The following TSHR variants were observed in gnomAD, a reference collection of about 807,000 sequenced individuals.
TSHR encodes thyroid stimulating hormone receptor, also known as thyrotropin receptor.
A neutral mutation model predicts 64.1 loss-of-function variants in TSHR; 51 were observed. That is an observed-to-expected ratio of 0.80 (90% CI 0.64 to 1.01). The LOEUF (loss-of-function observed/expected upper bound fraction) is 1.01. TSHR is among the 50% of genes least tolerant of loss of function. TSHR has a pLI of 0.00. For missense variants in TSHR, 877 were observed against 942.8 expected, an observed-to-expected ratio of 0.93 and a Z score of 0.91; for synonymous variants, 361 against 361.9, an observed-to-expected ratio of 1.00 and a Z score of 0.03.
At chr14:81,110,984 A>G (rs1890200256) in intron 8 of TSHR, among the ~76,000 whole-genome samples, 1 of 152,176 alleles carries the variant, frequency 6.6e-6, no homozygotes, top group African/African-American at 2.4e-5. Flanking sequence ...TCTTCATTGC[A>G]TTATTTTAAA....
intron 8 of TSHR, among the ~76,000 whole-genome samples, chr14:81,131,806 T>C (rs1309732317): frequency 6.6e-6 from 1 of 152,184 alleles, no homozygotes; most frequent in Non-Finnish European, 1.5e-5. Flanking sequence ...CTTTTCCCCA[T>C]AGTACTTATC....
rs369247508 is a variant in TSHR at position 81,143,780 on chromosome 14, C to G, written c.1722C>G (p.Thr574=). ...AKVSICLPMD[T]ETPLALAYIV... The stretch of plus-strand genomic sequence containing the variant: ...TCAGTATCTGCCTGCCCATGGACAC[C>G]GAGACCCCTCTTGCTCTGGCATATA... The change falls in exon 10 of 10, where the codon ACC becomes ACG. Residue 574 remains threonine, a synonymous_variant. Coordinates refer to ENST00000298171, the MANE Select transcript of TSHR (RefSeq NM_000369.5). 5.0e-6 allele frequency: 8 copies of G among 1,613,926 alleles called. No homozygotes were observed. The Admixed American group carries it at 6.7e-5, about 13-fold the overall frequency.
chr14:81,107,930 C>T (rs1890004652), intron 7 of TSHR, among the ~76,000 whole-genome samples: 1 of 151,952 alleles, frequency 6.6e-6, no homozygotes, highest in Admixed American at 6.6e-5. Context: ...TCTGACAGTC[C>T]TCAGCATCTC....
At chr14:80,990,030 A>G (rs967326442) in intron 1 of TSHR, among the ~76,000 whole-genome samples, 13 of 152,242 alleles carry the variant, frequency 8.5e-5, no homozygotes, top group Admixed American at 3.9e-4. Flanking sequence ...ATTCCTTATA[A>G]TATCCAATAT....
At chr14:81,003,043 T>C (rs1187935173) in intron 1 of TSHR, among the ~76,000 whole-genome samples, 1 of 60,436 alleles carries the variant, frequency 1.7e-5, no homozygotes, top group African/African-American at 5.5e-5. Flanking sequence ...TGTGATCTCA[T>C]TGTTCAATTC....
In TSHR at chr14:80,976,828, T is replaced by C. The variant is rs190886214; in HGVS notation, c.170+20978T>C. ...AAACACAGACTCTTTCAGCGAATCATTGAATGTGATAAGTGGACTCTCTCC... is the reference window on the plus strand; with the variant it reads ...AAACACAGACTCTTTCAGCGAATCACTGAATGTGATAAGTGGACTCTCTCC... On this transcript the variant is annotated intron_variant, in intron 1 of 9. Coordinates refer to ENST00000298171, the MANE Select transcript of TSHR (RefSeq NM_000369.5). Among the ~76,000 whole-genome samples, 1,163 of 152,326 alleles carry C rather than the reference T, an allele frequency of 7.6e-3. 10 individuals are homozygous for C. Among genetic ancestry groups the C allele is most frequent in the Middle Eastern group, 0.014 (4 of 294 alleles).
intron 3 of TSHR, among the ~76,000 whole-genome samples, chr14:81,073,914 C>T (rs1595056240): frequency 6.6e-6 from 1 of 152,120 alleles, no homozygotes; most frequent in South Asian, 2.1e-4. Context: ...ATCCATTTAT[C>T]AAACCATTTT....
At chr14:81,008,155 G>A (rs185511017) in intron 1 of TSHR, among the ~76,000 whole-genome samples, 1 of 148,586 alleles carries the variant, frequency 6.7e-6, no homozygotes, top group Admixed American at 6.9e-5. Context: ...ACACAAACTT[G>A]TAGACCATTT....
intron 1 of TSHR, among the ~76,000 whole-genome samples, chr14:80,985,195 G>A (rs1297039185): frequency 1.4e-4 from 22 of 152,128 alleles, no homozygotes; most frequent in South Asian, 2.1e-4. Flanking sequence ...GCTTGCAGTG[G>A]GCGGAGATCG....
intron 1 of TSHR, among the ~76,000 whole-genome samples, chr14:81,021,874 T>C (rs1444196179): frequency 6.6e-6 from 1 of 152,216 alleles, no homozygotes; most frequent in Non-Finnish European, 1.5e-5. Flanking sequence ...ACCTATATTC[T>C]TTTCTGAGTT....
At chr14:81,092,669 T>C in intron 6 of TSHR, 61 bp downstream of exon 6, 2 of 1,505,556 alleles carry the variant, frequency 1.3e-6, no homozygotes, top group Non-Finnish European at 1.8e-6. Context: ...CATTTTCATA[T>C]GTTTACAGAC....
At chr14:81,071,466 A>AT (rs914256118) in intron 3 of TSHR, among the ~76,000 whole-genome samples, 1 of 151,834 alleles carries the variant, frequency 6.6e-6, no homozygotes, top group Non-Finnish European at 1.5e-5. Flanking sequence ...TTAATGTAAA[A>AT]TTTTTTTACC....
At chr14:81,002,781 C>CTTTTT (rs1174635270) in intron 1 of TSHR, among the ~76,000 whole-genome samples, 9 of 44,316 alleles carry the variant, frequency 2.0e-4, no homozygotes, top group African/African-American at 4.9e-4. Context: ...CCTAATGCCT[C>CTTTTT]TTTTTTTTTT....
chr14:80,973,403 C>CAAAAAAAAAAAAAAAAAAAAAAAACAAAA (rs1887689289), intron 1 of TSHR, among the ~76,000 whole-genome samples: 1 of 51,470 alleles, frequency 1.9e-5, no homozygotes, highest in Non-Finnish European at 3.7e-5. Flanking sequence ...GACGCTGTCT[C>CAAAAAAAAAAAAAAAAAAAAAAAACAAAA]AAAAAAAAAA....
chr14:80,955,868 A>T lies in TSHR; in HGVS notation c.170+18A>T. On this transcript the variant is annotated intron_variant, in intron 1 of 9. Transcript: ENST00000298171. ...CAGACTCTGTGAGTACCCGGGAGAG[A>T]TCAGGGTAGGACCCAGAGATCAAGG... 6.2e-7 allele frequency: 1 copy of T among 1,614,080 alleles called. No homozygotes were observed. Among genetic ancestry groups the T allele is most frequent in the Non-Finnish European group, 8.5e-7 (1 of 1,180,022 alleles).
chr14:81,107,429 A>T (rs943181810), intron 7 of TSHR, among the ~76,000 whole-genome samples: 6 of 152,090 alleles, frequency 3.9e-5, no homozygotes, highest in African/African-American at 1.4e-4. Context: ...TGTAACAAGG[A>T]TATATATATG....
Position 80,955,716 on chromosome 14 carries a change from G to A in TSHR, c.36G>A (p.Leu12=), listed in dbSNP as rs1409710392. ...RPADLLQLVL[L]LDLPRDLGGM... is the part of the protein sequence containing the mutation. ...CGGACTTGCTGCAGCTGGTGCTGCT[G>A]CTCGACCTGCCCAGGGACCTGGGCG... The change falls in exon 1 of 10, where the codon CTG becomes CTA. Residue 12 remains leucine (L), a synonymous_variant. Transcript: ENST00000298171. The A allele has an allele frequency of 6.2e-7, 1 of 1,614,158 alleles. No individual in the cohort carries two copies. Among genetic ancestry groups the A allele is most frequent in the East Asian group, 2.2e-5 (1 of 44,874 alleles).
At chr14:81,009,094 G>A (rs1273278035) in intron 1 of TSHR, among the ~76,000 whole-genome samples, 7 of 152,062 alleles carry the variant, frequency 4.6e-5, no homozygotes, top group African/African-American at 7.2e-5. Flanking sequence ...GCTAATAATC[G>A]CTTCAGTATT....
intron 8 of TSHR, among the ~76,000 whole-genome samples, chr14:81,136,183 A>G (rs139988360): frequency 8.4e-4 from 128 of 152,298 alleles, no homozygotes; most frequent in African/African-American, 3.1e-3. Context: ...TTAGGCAGGA[A>G]AGTGACATTA....
Sources: allele counts gnomAD v4.1 joint callset (sites outside exome capture counted in the v4.1 genomes callset), GRCh38; gene constraint gnomAD v4.1.1; transcripts MANE v1.5; gene names NCBI Gene and HGNC (gene_info 2026-07-23, HGNC 2026-07-21).